The following SNTG1 variants were observed in gnomAD, a reference collection of about 807,000 sequenced individuals.
The protein encoded by SNTG1 is syntrophin gamma 1, also known as gamma-1-syntrophin.
SNTG1 carries 39 observed loss-of-function variants against 74.7 expected under a neutral mutation model. That is an observed-to-expected ratio of 0.52 (90% CI 0.40 to 0.68). The LOEUF is 0.68. Among genes scored for constraint, SNTG1 ranks in the 30% least tolerant of loss-of-function variants. The pLI is 0.00. For synonymous variants in SNTG1, 254 were observed against 217.1 expected (o/e 1.17, Z -1.49); for missense variants, 685 against 609.5 (o/e 1.12, Z -1.30).
At chr8:50,767,564 A>AC (rs2095616862) in intron 18 of SNTG1, among the ~76,000 whole-genome samples, 1 of 151,970 alleles carries the variant, frequency 6.6e-6, no homozygotes, top group Admixed American at 6.6e-5. Flanking sequence ...CCCTAGTGGA[A>AC]CAGGGGAGTG....
In SNTG1 at chr8:50,590,475, G is replaced by A. The variant is rs189734755; in HGVS notation, c.811-404G>A. Among the ~76,000 whole-genome samples the A allele has an allele frequency of 3.9e-4, 59 of 152,110 alleles. 1 individual carries two copies. The highest frequency in any genetic ancestry group is 1.7e-3 in the East Asian group (9 of 5,182). Reference sequence around the variant, plus strand: ...CAACACACATACTTTATCCTTTAGCGTTTGGATATTGCGCTTCCCTGTTCT... The same window carrying A: ...CAACACACATACTTTATCCTTTAGCATTTGGATATTGCGCTTCCCTGTTCT... On this transcript the variant is annotated intron_variant, in intron 12 of 18. Transcript: ENST00000642720.
rs531083869 is a variant in SNTG1, at chr8:49,938,701, C to T, written c.-103+26470C>T. ...CTTCCCTCCTTCTTTCTTTTTCTTC[C>T]TTTCTCCCATTGTTTCTTGGACTTC... On this transcript the variant is annotated intron_variant, in intron 1 of 18. Transcript: ENST00000642720. 2.8e-4 allele frequency among the ~76,000 whole-genome samples: 41 copies of T among 144,116 alleles called. 1 individual carries two copies. The South Asian group carries it at 8.8e-3, about 31-fold the overall frequency. The allele number at this position is 144,116 out of a possible 152,430, so 94.5% of individuals were successfully genotyped here. A position where few individuals can be genotyped will look rare whatever the true frequency, so the allele number is the denominator to read the frequency against.
intron 1 of SNTG1, among the ~76,000 whole-genome samples, chr8:50,159,717 C>T (rs2082358095): frequency 6.6e-6 from 1 of 152,156 alleles, no homozygotes; most frequent in Admixed American, 6.6e-5. Context: ...GTATTTGACT[C>T]TCTCAGCAAT....
chr8:49,981,666 C>T (rs1471754670), intron 1 of SNTG1, among the ~76,000 whole-genome samples: 1 of 152,064 alleles, frequency 6.6e-6, no homozygotes, highest in African/African-American at 2.4e-5. Flanking sequence ...AAAAGTGAAT[C>T]ATTTTATCAT....
chr8:50,424,675 T>TA (rs1410486869), intron 4 of SNTG1, among the ~76,000 whole-genome samples: 1 of 152,134 alleles, frequency 6.6e-6, no homozygotes, highest in East Asian at 1.9e-4. Flanking sequence ...GATAGATTTT[T>TA]AAAAAATTAA....
chr8:50,601,277 T>A (rs1241056590), intron 13 of SNTG1, among the ~76,000 whole-genome samples: 3 of 151,914 alleles, frequency 2.0e-5, no homozygotes, highest in African/African-American at 7.3e-5. Flanking sequence ...AATTTTCCTC[T>A]TAGCTCTGCT....
chr8:50,616,437 T>C (rs956001972), intron 13 of SNTG1, among the ~76,000 whole-genome samples: 1 of 151,954 alleles, frequency 6.6e-6, no homozygotes, highest in Non-Finnish European at 1.5e-5. Context: ...ATGAACTGGG[T>C]TCTGAAAATG....
intron 1 of SNTG1, among the ~76,000 whole-genome samples, chr8:50,005,005 G>A (rs986370825): frequency 1.3e-4 from 20 of 152,004 alleles, no homozygotes; most frequent in Admixed American, 3.9e-4. Flanking sequence ...CCTTTTCCGC[G>A]AGCCAGATAC....
At chr8:50,420,798 G>C (rs564027238) in intron 4 of SNTG1, among the ~76,000 whole-genome samples, 1 of 138,394 alleles carries the variant, frequency 7.2e-6, no homozygotes, top group Admixed American at 7.1e-5. Context: ...AGGCTGAGGC[G>C]GGTGGATCAT....
At chr8:50,234,411 G>C (rs1481309047) in intron 2 of SNTG1, among the ~76,000 whole-genome samples, 1 of 151,856 alleles carries the variant, frequency 6.6e-6, no homozygotes, top group Non-Finnish European at 1.5e-5. Flanking sequence ...AGTAGTACGA[G>C]GGAGTTGTGG....
At chr8:50,657,958 G>T (rs2095193929) in intron 14 of SNTG1, among the ~76,000 whole-genome samples, 1 of 152,072 alleles carries the variant, frequency 6.6e-6, no homozygotes, top group Admixed American at 6.6e-5. Context: ...ATAAGATTTA[G>T]AAATCATCAG....
At chr8:50,401,602 T>A (rs1156957319) in intron 3 of SNTG1, among the ~76,000 whole-genome samples, 1 of 151,992 alleles carries the variant, frequency 6.6e-6, no homozygotes, top group East Asian at 1.9e-4. Context: ...TGTGTGTGTG[T>A]GTATGTGAGT....
At chr8:50,210,962 G>A (rs547350938) in intron 2 of SNTG1, among the ~76,000 whole-genome samples, 2 of 152,218 alleles carry the variant, frequency 1.3e-5, no homozygotes, top group Admixed American at 6.5e-5. Flanking sequence ...TATTTGTAGT[G>A]CAAAATACCC....
chr8:50,436,987 T>C (rs550472136), intron 4 of SNTG1, among the ~76,000 whole-genome samples: 1 of 152,224 alleles, frequency 6.6e-6, no homozygotes, highest in South Asian at 2.1e-4. Context: ...AAAACAGACT[T>C]TGTGGTAGTA....
intron 1 of SNTG1, among the ~76,000 whole-genome samples, chr8:50,091,111 A>G (rs957792303): frequency 2.6e-5 from 4 of 152,040 alleles, no homozygotes; most frequent in Non-Finnish European, 5.9e-5. Flanking sequence ...TGGTAATAAA[A>G]ATATATTTTT....
intron 1 of SNTG1, among the ~76,000 whole-genome samples, chr8:49,995,555 C>T (rs1196946914): frequency 6.6e-6 from 1 of 152,202 alleles, no homozygotes; most frequent in Non-Finnish European, 1.5e-5. Context: ...TTCAGCAGTT[C>T]AGGGTTTTTG....
intron 2 of SNTG1, among the ~76,000 whole-genome samples, chr8:50,281,062 A>T (rs2088421811): frequency 6.6e-6 from 1 of 152,042 alleles, no homozygotes; most frequent in African/African-American, 2.4e-5. Context: ...TTCTCTACAG[A>T]ATTTTAATTT....
chr8:50,616,033 C>A (rs2094883389), intron 13 of SNTG1, among the ~76,000 whole-genome samples: 1 of 152,206 alleles, frequency 6.6e-6, no homozygotes, highest in Non-Finnish European at 1.5e-5. Context: ...TTCTTCTTCT[C>A]CAGGAGTTCT....
intron 1 of SNTG1, among the ~76,000 whole-genome samples, chr8:50,019,549 C>T (rs1034939316): frequency 6.6e-6 from 1 of 152,074 alleles, no homozygotes; most frequent in Non-Finnish European, 1.5e-5. Flanking sequence ...ACTATTAATG[C>T]ATCTGTTCAT....
Sources: gnomAD v4.1 joint callset for allele counts (sites outside exome capture counted in the v4.1 genomes callset) on GRCh38, gnomAD v4.1.1 for gene constraint, MANE v1.5 for transcripts, NCBI Gene and HGNC (gene_info 2026-07-23, HGNC 2026-07-21) for gene names.